Variants in HSPG2 observed in about 807,000 individuals in gnomAD.
HSPG2 encodes the protein heparan sulfate proteoglycan 2.
HSPG2 carries 278 observed loss-of-function variants against 526.6 expected under a neutral mutation model. That is an observed-to-expected ratio of 0.53 (90% CI 0.48 to 0.58). The LOEUF is 0.58. HSPG2 is among the 20% of genes least tolerant of loss of function. The probability of loss-of-function intolerance (pLI) is 0.00; values close to 1 mark genes in which losing one functional copy is unlikely to be tolerated. For missense variants in HSPG2, 5,354 were observed against 6,099.5 expected (o/e 0.88, Z 4.07); for synonymous variants, 2,465 against 2,555.4 (o/e 0.96, Z 1.07).
intron 30 of HSPG2, 99 bp from the exon 31 acceptor site, chr1:21,873,190 G>T: frequency 8.4e-7 from 1 of 1,196,026 alleles, no homozygotes; most frequent in Non-Finnish European, 1.2e-6. Flanking sequence ...TCTGATTTCT[G>T]ATGTGAGTAC....
rs2098013044 is a variant in HSPG2, at chr1:21,833,397, A to G, written c.10979-13T>C. ...GGCACCACCCGCTCTGCCAGCAGAG[A>G]GCACAGCTGAAGACCCTGCCAGTCA... On this transcript the variant is annotated splice_polypyrimidine_tract_variant and intron_variant, in intron 79 of 96. Transcript: ENST00000374695. 1 of 1,613,840 alleles carries G rather than the reference A, an allele frequency of 6.2e-7. No individual in the cohort carries two copies. Among genetic ancestry groups the G allele is most frequent in the Non-Finnish European group, 8.5e-7 (1 of 1,179,826 alleles).
At chr1:21,870,376 G>A in intron 33 of HSPG2, 1 of 811,448 alleles carries the variant, frequency 1.2e-6, no homozygotes, top group Non-Finnish European at 1.5e-6. Context: ...TAGAGCCATG[G>A]GCAGGGTCCT....
Position 21,890,223 on chromosome 1 carries a change from C to T in HSPG2, c.414-82G>A, listed in dbSNP as rs376088337. 15 of 1,546,250 alleles carry T rather than the reference C, an allele frequency of 9.7e-6. No homozygotes were observed. The African/African-American group carries it at 1.8e-4, about 18-fold the overall frequency. On this transcript the variant is annotated intron_variant, in intron 5 of 96. Coordinates refer to ENST00000374695, the MANE Select transcript of HSPG2 (RefSeq NM_005529.7). This position sits in a 1 kb window ranked among gnomAD's most constrained non-coding sequence, Gnocchi z 4.1. Reference sequence around the variant, plus strand: ...CCTCCATGAGGCTCCCGCCCCGACGCTCAGGCCCTGTTCCGGGACAGCCTG... The same window carrying T: ...CCTCCATGAGGCTCCCGCCCCGACGTTCAGGCCCTGTTCCGGGACAGCCTG...
Position 21,875,982 on chromosome 1 carries a change from T to A in HSPG2, c.3064A>T (p.Thr1022Ser). Residue 1022 changes from threonine to serine, a missense_variant, in exon 24 of 97, where the codon ACA becomes TCA. Transcript: ENST00000374695. ...ACCAACGGCTGCCCGTGCAGGGGTGTGGAGCCCGGCTGGGACCTCTGGGTC... is the reference window on the plus strand; with the variant it reads ...ACCAACGGCTGCCCGTGCAGGGGTGAGGAGCCCGGCTGGGACCTCTGGGTC... Reference protein sequence around the residue: ...TVTQRSQPGSTPLHGQPLVVL... With the variant: ...TVTQRSQPGSSPLHGQPLVVL... 2 of 1,614,174 alleles carry A rather than the reference T, an allele frequency of 1.2e-6. No individual in the cohort carries two copies. Among genetic ancestry groups the A allele is most frequent in the Non-Finnish European group, 1.7e-6 (2 of 1,180,028 alleles).
At chr1:21,888,795 C>T (rs1642140995) in intron 6 of HSPG2, 9 of 1,065,604 alleles carry the variant, frequency 8.4e-6, no homozygotes, top group Non-Finnish European at 1.2e-5. Context: ...GGCCACATTC[C>T]ACCATCCCTA....
chr1:21,910,056 G>A (rs7519770), intron 1 of HSPG2, among the ~76,000 whole-genome samples: 5,809 of 152,248 alleles, frequency 0.038, 164 homozygotes, highest in African/African-American at 0.083. Context: ...AAATGCCACC[G>A]CACCATATAG....
chr1:21,838,784 G>A (rs1430582498), intron 74 of HSPG2, 41 bp downstream of exon 74: 1 of 1,604,344 alleles, frequency 6.2e-7, no homozygotes, highest in Non-Finnish European at 8.5e-7. Flanking sequence ...AGGGCCAGGA[G>A]GAAAGGTGAT....
intron 66 of HSPG2, 61 bp from the exon 67 acceptor site, chr1:21,842,982 G>C: frequency 1.3e-6 from 2 of 1,592,946 alleles, no homozygotes; most frequent in South Asian, 2.2e-5. Context: ...AGGGGCTGAA[G>C]GTGGTGGCAG....
Position 21,855,333 on chromosome 1 carries a change from T to C in HSPG2, c.5968A>G (p.Arg1990Gly). The change falls in exon 47 of 97, where the codon AGG becomes GGG. Residue 1990 changes from arginine (R) to glycine (G), a missense_variant. By Grantham distance (125) the Arg-to-Gly change is moderately radical. Coordinates refer to ENST00000374695, the MANE Select transcript of HSPG2 (RefSeq NM_005529.7). ...AGVPSATITWRKEGGSLPPQA... is the reference protein window; with the variant it reads ...AGVPSATITWGKEGGSLPPQA... ...GGTGGGAGGCTGCCCCCTTCCTTCC[T>C]CCAGGTGATGGTGGCGCTAGGCACG... 6.2e-7 allele frequency: 1 copy of C among 1,608,506 alleles called. No homozygotes were observed. Among genetic ancestry groups the C allele is most frequent in the Non-Finnish European group, 8.5e-7 (1 of 1,178,284 alleles).
intron 71 of HSPG2, among the ~76,000 whole-genome samples, 187 bp from the exon 72 acceptor site, chr1:21,840,204 T>C (rs1373050737): frequency 1.3e-5 from 2 of 152,196 alleles, no homozygotes; most frequent in Non-Finnish European, 2.9e-5. Context: ...AGTGGCACCA[T>C]CTGGCTCATT....
chr1:21,846,798 G>C (rs551840245), intron 62 of HSPG2, among the ~76,000 whole-genome samples, 199 bp from the exon 63 acceptor site: 2 of 152,192 alleles, frequency 1.3e-5, no homozygotes, highest in East Asian at 3.9e-4. Flanking sequence ...TCAGGAGTTT[G>C]AGACTAGCCT....
intron 57 of HSPG2, 60 bp downstream of exon 57, chr1:21,849,981 C>G (rs1638759475): frequency 6.2e-7 from 1 of 1,605,308 alleles, no homozygotes; most frequent in African/African-American, 1.3e-5. Flanking sequence ...CCCGGTCAAG[C>G]CTATGCTCTT....
At chr1:21,825,699 G>A (rs1292645874) in intron 91 of HSPG2, among the ~76,000 whole-genome samples, 1 of 152,224 alleles carries the variant, frequency 6.6e-6, no homozygotes, top group Non-Finnish European at 1.5e-5. Flanking sequence ...TGTGCGGGGA[G>A]CGTCCCATCC....
Position 21,847,375 on chromosome 1 carries a change from G to T in HSPG2, c.8143C>A (p.Pro2715Thr). Residue 2715 changes from proline to threonine, a missense_variant, in exon 62 of 97, where the codon CCT (proline) becomes ACT (threonine). By Grantham distance (38) the Pro-to-Thr change is conservative. Transcript: ENST00000374695. This position sits in a 1 kb window ranked among gnomAD's most constrained non-coding sequence, Gnocchi z 4.1. ...TCACCGGAGGGGCTGCCGGCGCTAG[G>T]GGAGACGGAGATGACGATGGAGGCC... ...LEASIVISVS[P>T]SAGSPSAPGS... is the part of the protein sequence containing the mutation. 6.2e-7 allele frequency: 1 copy of T among 1,613,992 alleles called. No individual in the cohort carries two copies. The highest frequency in any genetic ancestry group is 8.5e-7 in the Non-Finnish European group (1 of 1,180,046).
At chr1:21,914,998 T>A (rs562983750) in intron 1 of HSPG2, among the ~76,000 whole-genome samples, 1 of 152,120 alleles carries the variant, frequency 6.6e-6, no homozygotes, top group African/African-American at 2.4e-5. Flanking sequence ...GTGTCAGACG[T>A]CCCTCACCCC....
chr1:21,918,611 A>G (rs1643946340), intron 1 of HSPG2, among the ~76,000 whole-genome samples: 1 of 152,204 alleles, frequency 6.6e-6, no homozygotes, highest in Non-Finnish European at 1.5e-5. Flanking sequence ...CAAGATCGGT[A>G]TTATTATTAC....
At position 21,824,755 on chromosome 1, in the gene HSPG2, T is replaced by C. The variant is rs753549203; in HGVS notation, c.12614A>G (p.Tyr4205Cys). 6.2e-7 allele frequency: 1 copy of C among 1,613,318 alleles called. No individual in the cohort carries two copies. Among genetic ancestry groups the C allele is most frequent in the Admixed American group, 1.7e-5 (1 of 59,942 alleles). The change falls in exon 92 of 97, where the codon TAT becomes TGT. Residue 4205 changes from tyrosine (Y) to cysteine (C), a missense_variant. Coordinates refer to ENST00000374695, the MANE Select transcript of HSPG2 (RefSeq NM_005529.7). The surrounding 1 kb of genome is among the most constrained non-coding windows in gnomAD (Gnocchi z 5.9). ...GNDAPGQYGA[Y>C]FHDDGFLAFP... The stretch of plus-strand genomic sequence containing the variant: ...GGCGAGGAAGCCATCATCGTGGAAA[T>C]AGGCTCCGTACTGCCCAGGGGCATC...
At chr1:21,838,511 C>T (rs1311105558) in intron 74 of HSPG2, among the ~76,000 whole-genome samples, 1 of 152,252 alleles carries the variant, frequency 6.6e-6, no homozygotes, top group African/African-American at 2.4e-5. Context: ...GGTCCAGGCC[C>T]TGCCCTGAGC....
intron 85 of HSPG2, 163 bp from the exon 86 acceptor site, chr1:21,830,254 G>A: frequency 1.6e-6 from 1 of 639,796 alleles, no homozygotes; most frequent in Non-Finnish European, 2.8e-6. Context: ...GAGCAAGGCG[G>A]GAGCCAGAAG....
Sources: allele counts gnomAD v4.1 joint callset (sites outside exome capture counted in the v4.1 genomes callset), GRCh38; gene constraint gnomAD v4.1.1; non-coding constraint Gnocchi (gnomAD v3.1); transcripts MANE v1.5; gene names NCBI Gene and HGNC (gene_info 2026-07-23, HGNC 2026-07-21).